ZNF250: variants seen among roughly 807,000 people sequenced by gnomAD.
ZNF250 encodes the protein zinc finger protein (clone 647).
In ZNF250, 13 loss-of-function variants were observed where a neutral mutation model predicts 37.1. The ratio of observed to expected loss-of-function variants is 0.35; its 90% CI spans 0.23 to 0.56. The LOEUF (loss-of-function observed/expected upper bound fraction) is 0.56, where lower values mean the gene tolerates loss of function less well. ZNF250 is among the 20% of genes least tolerant of loss of function. The pLI, the probability that ZNF250 is intolerant of heterozygous loss-of-function variation, is 0.87. For missense variants in ZNF250, 474 were observed against 697.9 expected, an observed-to-expected ratio of 0.68 and a Z score of 3.61; for synonymous variants, 251 against 265.6, an observed-to-expected ratio of 0.94 and a Z score of 0.54.
intron 4 of ZNF250, among the ~76,000 whole-genome samples, 151 bp from the exon 5 acceptor site, chr8:144,887,053 C>A (rs539761598): frequency 2.0e-5 from 3 of 152,066 alleles, no homozygotes; most frequent in African/African-American, 7.2e-5. Flanking sequence ...TTGAGACCAG[C>A]CTGGCCAACA....
rs761580078 is a variant in ZNF250 at position 144,889,688 on chromosome 8, G to A, written c.176C>T (p.Pro59Leu). The change falls in exon 4 of 6, where the codon CCA (proline) becomes CTA (leucine). Residue 59 changes from proline (P) to leucine (L), a missense_variant. Pro to Leu is a moderately conservative substitution (Grantham distance 98). Transcript: ENST00000417550. ...GGAGATTATGTCAGGCTTGGATCCT[G>A]GAAGTCCTGCTCGTGGGGAGGGAAG... ...TYGNVVSLGLPGSKPDIISQL... is the reference protein window; with the variant it reads ...TYGNVVSLGLLGSKPDIISQL... The A allele has an allele frequency of 6.2e-7, 1 of 1,613,738 alleles. No homozygotes were observed. The highest frequency in any genetic ancestry group is 8.5e-7 in the Non-Finnish European group (1 of 1,179,816).
rs1176882605 is a variant in ZNF250 at position 144,890,838 on chromosome 8, C to T, written c.-54-435G>A. 6.6e-6 allele frequency among the ~76,000 whole-genome samples: 1 copy of T among 152,200 alleles called. No individual in the cohort carries two copies. Among genetic ancestry groups the T allele is most frequent in the Non-Finnish European group, 1.5e-5 (1 of 68,028 alleles). On this transcript the variant is annotated intron_variant, in intron 1 of 5. Coordinates refer to ENST00000417550, the MANE Select transcript of ZNF250 (RefSeq NM_001109689.4). This position sits in a 1 kb window ranked among gnomAD's most constrained non-coding sequence, Gnocchi z 5.1. ...CAAGCTGCTTCCCCAAACACCCTCCCAATTAAGAAAGCCTTGGCCACCAGG... is the reference window on the plus strand; with the variant it reads ...CAAGCTGCTTCCCCAAACACCCTCCTAATTAAGAAAGCCTTGGCCACCAGG...
Position 144,890,295 on chromosome 8 carries a change from G to T in ZNF250, c.42+13C>A. 1 of 1,534,038 alleles carries T rather than the reference G, an allele frequency of 6.5e-7. No homozygotes were observed. The highest frequency in any genetic ancestry group is 8.8e-7 in the Non-Finnish European group (1 of 1,135,948). On this transcript the variant is annotated intron_variant, in intron 2 of 5. Coordinates refer to ENST00000417550, the MANE Select transcript of ZNF250 (RefSeq NM_001109689.4). The surrounding 1 kb of genome is among the most constrained non-coding windows in gnomAD (Gnocchi z 5.1). ...GGGCTGGGGGCACTGCATAAGCACTGGGGACAGCTTACCTGGGGTCCTGCC... is the reference window on the plus strand; with the variant it reads ...GGGCTGGGGGCACTGCATAAGCACTTGGGACAGCTTACCTGGGGTCCTGCC...
intron 4 of ZNF250, 135 bp from the exon 5 acceptor site, chr8:144,887,037 A>C (rs1831934769): frequency 1.4e-6 from 1 of 691,680 alleles, no homozygotes; most frequent in Non-Finnish European, 2.6e-6. Flanking sequence ...ACTTGAGGTC[A>C]GAAGTTTGAG....
At chr8:144,899,040 T>C (rs1456774780) in intron 1 of ZNF250, among the ~76,000 whole-genome samples, 1 of 152,198 alleles carries the variant, frequency 6.6e-6, no homozygotes, top group East Asian at 1.9e-4. Context: ...TGGAATATGA[T>C]TCAACTATAA....
chr8:144,892,452 T>C (rs1832411608), intron 1 of ZNF250, among the ~76,000 whole-genome samples: 1 of 152,102 alleles, frequency 6.6e-6, no homozygotes, highest in South Asian at 2.1e-4. Flanking sequence ...ATGTGGGAAA[T>C]TGGAAGATAA....
Position 144,882,193 on chromosome 8 carries a change from C to A in ZNF250, c.990G>T (p.Gly330=), listed in dbSNP as rs750570357. Reference sequence around the variant, plus strand: ...ACTCATTGCACCTGTGAGGCTTCTCCCCAGTGTGTACCCTCTGGTGGCTCC... The same window carrying A: ...ACTCATTGCACCTGTGAGGCTTCTCACCAGTGTGTACCCTCTGGTGGCTCC... ...VLRSHQRVHT[G]EKPHRCNECG... Residue 330 remains glycine (G), a synonymous_variant, in exon 6 of 6, where the codon GGG becomes GGT. Coordinates refer to ENST00000417550, the MANE Select transcript of ZNF250 (RefSeq NM_001109689.4). The surrounding 1 kb of genome is among the most constrained non-coding windows in gnomAD (Gnocchi z 5.5). 5 of 1,613,914 alleles carry A rather than the reference C, an allele frequency of 3.1e-6. No individual in the cohort carries two copies. In the African/African-American group the frequency reaches 6.7e-5, roughly 22 times the overall value.
chr8:144,896,373 T>TAA (rs1242172948), intron 1 of ZNF250, among the ~76,000 whole-genome samples: 1 of 128,436 alleles, frequency 7.8e-6, no homozygotes, highest in East Asian at 2.3e-4. Flanking sequence ...TAAATAAAAA[T>TAA]TAAAAAAAAA....
intron 4 of ZNF250, among the ~76,000 whole-genome samples, chr8:144,887,698 C>T (rs1353029214): frequency 6.6e-6 from 1 of 152,218 alleles, no homozygotes; most frequent in Non-Finnish European, 1.5e-5. Flanking sequence ...ACTGGTTTGG[C>T]AGTGGCAGCA....
At chr8:144,886,598 A>C (rs974990624) in intron 5 of ZNF250, among the ~76,000 whole-genome samples, 1 of 152,222 alleles carries the variant, frequency 6.6e-6, no homozygotes. Context: ...AAATGATTTC[A>C]CCGAAATAAA....
upstream of ZNF250, chr8:144,901,507 C>G (rs917822315): frequency 6.6e-6 from 1 of 152,414 alleles, no homozygotes; most frequent in Non-Finnish European, 1.5e-5. This position sits in a 1 kb window ranked among gnomAD's most constrained non-coding sequence, Gnocchi z 5.4. Flanking sequence ...GGCTCCTGCC[C>G]CTCAGTTCCC....
intron 1 of ZNF250, among the ~76,000 whole-genome samples, chr8:144,894,478 C>CCTCTG (rs1205700334): frequency 6.6e-6 from 1 of 152,116 alleles, no homozygotes; most frequent in African/African-American, 2.4e-5. Context: ...CTCTTAGAGA[C>CCTCTG]CTCTGCCCCA....
chr8:144,892,908 G>A (rs1832448881), intron 1 of ZNF250, among the ~76,000 whole-genome samples: 2 of 144,796 alleles, frequency 1.4e-5, no homozygotes, highest in South Asian at 4.4e-4. Flanking sequence ...CACCCAGGCT[G>A]GGATGCAATG....
intron 1 of ZNF250, among the ~76,000 whole-genome samples, chr8:144,899,518 T>C (rs916929031): frequency 1.3e-5 from 2 of 152,192 alleles, no homozygotes; most frequent in African/African-American, 4.8e-5. Context: ...ATAATTATTA[T>C]ATTCAATAAA....
In ZNF250 at chr8:144,889,652, C is replaced by A; in HGVS notation, c.212G>T (p.Arg71Leu). Residue 71 changes from arginine to leucine, a missense_variant, in exon 4 of 6, where the codon CGA (arginine) becomes CTA (leucine). Coordinates refer to ENST00000417550, the MANE Select transcript of ZNF250 (RefSeq NM_001109689.4). ...GTCCAGGACCCAGGGATCTTCCCCT[C>A]GCTCCAGCTGGGAGATTATGTCAGG... is the stretch of plus-strand genomic sequence containing the variant. ...SKPDIISQLE[R>L]GEDPWVLDRK... 1.2e-6 allele frequency: 2 copies of A among 1,613,996 alleles called. No homozygotes were observed. Among genetic ancestry groups the A allele is most frequent in the Non-Finnish European group, 1.7e-6 (2 of 1,179,892 alleles).
At chr8:144,887,389 G>A (rs1831972288) in intron 4 of ZNF250, among the ~76,000 whole-genome samples, 1 of 151,960 alleles carries the variant, frequency 6.6e-6, no homozygotes, top group African/African-American at 2.4e-5. Context: ...GGAACTGCCA[G>A]GACAAGACAA....
chr8:144,897,948 G>T lies in ZNF250; in HGVS notation c.-55+3451C>A, dbSNP rs1350710430. Among the ~76,000 whole-genome samples, 1 of 152,126 alleles carries T rather than the reference G, an allele frequency of 6.6e-6. No homozygotes were observed. The highest frequency in any genetic ancestry group is 1.5e-5 in the Non-Finnish European group (1 of 68,024). ...GCCAGGTGTTCCTTGCCCTCATTCC[G>T]GTAAACCCACAACCACAACCTTCCA... On this transcript the variant is annotated intron_variant, in intron 1 of 5. Transcript: ENST00000417550. This position sits in a 1 kb window ranked among gnomAD's most constrained non-coding sequence, Gnocchi z 5.2.
At position 144,891,311 on chromosome 8, in the gene ZNF250, C is replaced by T. The variant is rs1485791248; in HGVS notation, c.-54-908G>A. 6.6e-6 allele frequency among the ~76,000 whole-genome samples: 1 copy of T among 152,172 alleles called. No homozygotes were observed. Among genetic ancestry groups the T allele is most frequent in the African/African-American group, 2.4e-5 (1 of 41,436 alleles). On this transcript the variant is annotated intron_variant, in intron 1 of 5. Transcript: ENST00000417550. This position sits in a 1 kb window ranked among gnomAD's most constrained non-coding sequence, Gnocchi z 4.0. ...TATAACAAAGCAACCAATCCCCTCA[C>T]ATGCTTGGCTCAGATGGGCACCACA...
chr8:144,882,019 C>T lies in ZNF250; in HGVS notation c.1164G>A (p.Lys388=). ...TCCCACACTCACTGCACTCATAGGG[C>T]TTCTCCCCGGTGTGCACGTTGTGGT... The part of the protein sequence containing the change: ...IQHHNVHTGE[K]PYECSECGKT... Residue 388 remains lysine, a synonymous_variant, in exon 6 of 6, where the codon AAG becomes AAA. Transcript: ENST00000417550. This position sits in a 1 kb window ranked among gnomAD's most constrained non-coding sequence, Gnocchi z 5.5. 6.2e-7 allele frequency: 1 copy of T among 1,614,194 alleles called. No homozygotes were observed. The highest frequency in any genetic ancestry group is 8.5e-7 in the Non-Finnish European group (1 of 1,180,026).
Sources: gnomAD v4.1 joint callset for allele counts (sites outside exome capture counted in the v4.1 genomes callset) on GRCh38, gnomAD v4.1.1 for gene constraint, Gnocchi (gnomAD v3.1) non-coding constraint, MANE v1.5 for transcripts, NCBI Gene and HGNC (gene_info 2026-07-23, HGNC 2026-07-21) for gene names.